SHOC2: variants seen among roughly 807,000 people sequenced by gnomAD.
SHOC2 encodes the protein SHOC2 leucine rich repeat scaffold protein.
SHOC2 carries 4 observed loss-of-function variants against 50.2 expected under a neutral mutation model. That is an observed-to-expected ratio of 0.08 (90% CI 0.04 to 0.18). SHOC2 has a LOEUF of 0.18. Ranked by LOEUF, SHOC2 falls within the 10% of genes least tolerant of loss-of-function variation. The pLI, the probability that SHOC2 is intolerant of heterozygous loss-of-function variation, is 1.00. For missense variants in SHOC2, 388 were observed against 669.6 expected, an observed-to-expected ratio of 0.58 and a Z score of 4.64; for synonymous variants, 218 against 244.5, an observed-to-expected ratio of 0.89 and a Z score of 1.01.
intron 1 of SHOC2, among the ~76,000 whole-genome samples, chr10:110,948,519 A>C (rs1422906892): frequency 3.3e-5 from 5 of 152,214 alleles, no homozygotes; most frequent in African/African-American, 1.2e-4. Context: ...AGAAGATTGA[A>C]ATTGTATCAA....
intron 1 of SHOC2, among the ~76,000 whole-genome samples, chr10:110,941,724 C>A (rs933910005): frequency 6.6e-6 from 1 of 151,966 alleles, no homozygotes; most frequent in African/African-American, 2.4e-5. Context: ...CTGTTTTTTT[C>A]ATTCTCTTAA....
At chr10:110,985,562 T>G in intron 2 of SHOC2, 66 bp from the exon 3 acceptor site, 1 of 1,192,002 alleles carries the variant, frequency 8.4e-7, no homozygotes, top group Non-Finnish European at 1.2e-6. Flanking sequence ...ATTTTCTTGC[T>G]TAGAAGTATT....
At chr10:110,950,136 T>C (rs1847322625) in intron 1 of SHOC2, among the ~76,000 whole-genome samples, 1 of 152,146 alleles carries the variant, frequency 6.6e-6, no homozygotes, top group Non-Finnish European at 1.5e-5. Flanking sequence ...CATGATCTTA[T>C]ATGTAGGAAA....
chr10:110,962,461 AT>A (rs1362556390), intron 1 of SHOC2, among the ~76,000 whole-genome samples: 1 of 151,912 alleles, frequency 6.6e-6, no homozygotes, highest in Non-Finnish European at 1.5e-5. Context: ...GTGCAAAATA[AT>A]TTTTTTCTTT....
intron 1 of SHOC2, among the ~76,000 whole-genome samples, chr10:110,941,366 CTG>C (rs1055139504): frequency 5.9e-5 from 9 of 151,836 alleles, no homozygotes; most frequent in African/African-American, 2.2e-4. Context: ...GCATTTTCCT[CTG>C]TTGCCCAGGC....
intron 2 of SHOC2, among the ~76,000 whole-genome samples, chr10:110,982,083 C>A (rs1847991195): frequency 7.0e-6 from 1 of 143,660 alleles, no homozygotes; most frequent in Admixed American, 7.2e-5. Context: ...TCAGTTCCCA[C>A]CTATGAGTGA....
At chr10:110,919,531 G>A (rs1228489652), upstream of SHOC2, 9 of 386,802 alleles carry the variant, frequency 2.3e-5, no homozygotes, top group Non-Finnish European at 4.1e-5. Context: ...GGCGGGGCGG[G>A]CGGGGCGGGG....
intron 1 of SHOC2, among the ~76,000 whole-genome samples, chr10:110,929,629 A>G (rs1306654466): frequency 6.6e-6 from 1 of 152,232 alleles, no homozygotes; most frequent in Non-Finnish European, 1.5e-5. Context: ...AGTCTCTTAC[A>G]GGTCTTCCTG....
intron 2 of SHOC2, among the ~76,000 whole-genome samples, chr10:110,981,041 G>A (rs1468057403): frequency 6.6e-6 from 1 of 152,132 alleles, no homozygotes; most frequent in African/African-American, 2.4e-5. Flanking sequence ...TCTAGTAGGT[G>A]CACAGTAAGT....
rs1457254125 is a variant in SHOC2 at position 111,011,778 on chromosome 10, A to G, written c.1709A>G (p.Gln570Arg). ...GCTGGGGGGCCTTCTTTCATCATTC[A>G]GTTCTTAAAGATGCAGGGTCCATAT... The part of the protein sequence containing the change: ...IVAGGPSFII[Q>R]FLKMQGPYRA... The change falls in exon 9 of 9, where the codon CAG becomes CGG. Residue 570 changes from glutamine to arginine, a missense_variant. By Grantham distance (43) the Gln-to-Arg change is conservative. Coordinates refer to ENST00000369452, the MANE Select transcript of SHOC2 (RefSeq NM_007373.4). 2 of 1,614,038 alleles carry G rather than the reference A, an allele frequency of 1.2e-6. No individual in the cohort carries two copies. The highest frequency in any genetic ancestry group is 1.7e-6 in the Non-Finnish European group (2 of 1,179,962).
At chr10:110,920,038 G>A (rs1189728854) in intron 1 of SHOC2, 1 of 149,720 alleles carries the variant, frequency 6.7e-6, no homozygotes, top group Non-Finnish European at 1.5e-5. Context: ...GGCCCCCGGC[G>A]GACAGTCTCT....
Position 110,919,608 on chromosome 10 carries a change from A to C in SHOC2, c.-284A>C. On this transcript the variant is annotated 5_prime_UTR_variant, in exon 1 of 9. Transcript: ENST00000369452. ...GTCGCTTCTTAGGAGGAGGAGGAAG[A>C]GGAGGAAGGAGGGCGAGCGAGGAGG... The C allele has an allele frequency of 2.5e-6, 1 of 395,886 alleles. No homozygotes were observed. The highest frequency in any genetic ancestry group is 4.4e-6 in the Non-Finnish European group (1 of 225,476). The allele number at this position is 395,886 out of a possible 1,614,324, so 24.5% of individuals were successfully genotyped here.
intron 2 of SHOC2, among the ~76,000 whole-genome samples, chr10:110,980,552 G>A (rs1489139816): frequency 6.6e-6 from 1 of 152,124 alleles, no homozygotes; most frequent in Non-Finnish European, 1.5e-5. Flanking sequence ...CCTAGGCTCT[G>A]TGTTTTTTAT....
In SHOC2 at chr10:111,009,763, T is replaced by G. The variant is rs760774960; in HGVS notation, c.1473T>G (p.Gly491=). The change falls in exon 8 of 9, where the codon GGT becomes GGG. Residue 491 remains glycine (G), a synonymous_variant. Coordinates refer to ENST00000369452, the MANE Select transcript of SHOC2 (RefSeq NM_007373.4). The part of the protein sequence containing the change: ...NQLTTLPRGI[G]HLTNLTHLGL... ...TGACCACTCTTCCCAGAGGCATTGG[T>G]CACCTTACTAATCTCACACATCTGG... The G allele has an allele frequency of 6.2e-7, 1 of 1,613,562 alleles. No homozygotes were observed. Among genetic ancestry groups the G allele is most frequent in the Non-Finnish European group, 8.5e-7 (1 of 1,179,572 alleles).
chr10:110,921,372 A>G (rs976501889), intron 1 of SHOC2, among the ~76,000 whole-genome samples: 4 of 152,248 alleles, frequency 2.6e-5, no homozygotes, highest in African/African-American at 9.6e-5. Flanking sequence ...AAAATAGACA[A>G]AAATAAACAC....
intron 1 of SHOC2, among the ~76,000 whole-genome samples, chr10:110,938,697 G>C (rs965242451): frequency 6.6e-6 from 1 of 152,138 alleles, no homozygotes; most frequent in Non-Finnish European, 1.5e-5. Flanking sequence ...AGTATAATTA[G>C]ATTGGAAGCA....
At position 110,919,644 on chromosome 10, in the gene SHOC2, C is replaced by T. The variant is rs567349985; in HGVS notation, c.-248C>T. On this transcript the variant is annotated 5_prime_UTR_variant, in exon 1 of 9. Coordinates refer to ENST00000369452, the MANE Select transcript of SHOC2 (RefSeq NM_007373.4). ...GGGCGAGCGAGGAGGATGGCGGAGT[C>T]GGGGCTCCTGACGGTAACTCGGGGC... 1.5e-5 allele frequency: 6 copies of T among 398,666 alleles called. No individual in the cohort carries two copies. The highest frequency in any genetic ancestry group is 1.3e-4 in the South Asian group (1 of 7,872). 24.7% of individuals were successfully genotyped at this position (398,666 alleles called of 1,614,324 possible).
At chr10:110,952,409 TA>T (rs1428280614) in intron 1 of SHOC2, among the ~76,000 whole-genome samples, 1 of 152,190 alleles carries the variant, frequency 6.6e-6, no homozygotes, top group Non-Finnish European at 1.5e-5. Context: ...TTTACTGTTG[TA>T]GGTTCAATGG....
chr10:110,940,910 G>GTTTTTTTTTTTTTT (rs539552844), intron 1 of SHOC2, among the ~76,000 whole-genome samples: 35 of 119,472 alleles, frequency 2.9e-4, no homozygotes, highest in Non-Finnish European at 4.6e-4. Context: ...TTTGTGGTGG[G>GTTTTTTTTTTTTTT]TTTTTTTTTT....
Sources: gnomAD v4.1 joint callset for allele counts (sites outside exome capture counted in the v4.1 genomes callset) on GRCh38, gnomAD v4.1.1 for gene constraint, MANE v1.5 for transcripts, NCBI Gene and HGNC (gene_info 2026-07-23, HGNC 2026-07-21) for gene names.